Variants in LY75 observed in about 807,000 individuals in gnomAD.
LY75 encodes the protein C-type lectin domain family 13 member B.
LY75 carries 185 observed loss-of-function variants against 231.7 expected under a neutral mutation model. The observed-to-expected ratio is 0.80, with a 90% CI of 0.71 to 0.90. LY75 has a LOEUF of 0.90. Among genes scored for constraint, LY75 ranks in the 40% least tolerant of loss-of-function variants. LY75 has a pLI of 0.00. For synonymous variants in LY75, 668 were observed against 689.0 expected, an observed-to-expected ratio of 0.97 and a Z score of 0.48; for missense variants, 1,947 against 2,050.2, an observed-to-expected ratio of 0.95 and a Z score of 0.97.
In LY75 at chr2:159,805,221, G is replaced by A; in HGVS notation, c.4992C>T (p.Gly1664=). Residue 1664 remains glycine (G), a splice_region_variant and synonymous_variant, in exon 35 of 35, where the codon GGC becomes GGT. Coordinates refer to ENST00000263636, the MANE Select transcript of LY75 (RefSeq NM_002349.4). Reference sequence around the variant, plus strand: ...TGATAGCTATTGCTGTGTAATCAGGGCCTGGAACAGGAAAAGGTTTGATGT... The same window carrying A: ...TGATAGCTATTGCTGTGTAATCAGGACCTGGAACAGGAAAAGGTTTGATGT... The part of the protein sequence containing the change: ...FGRVVCKVPL[G]PDYTAIAIIV... The A allele has an allele frequency of 6.2e-7, 1 of 1,612,642 alleles. No individual in the cohort carries two copies. The highest frequency in any genetic ancestry group is 8.5e-7 in the Non-Finnish European group (1 of 1,179,024).
In LY75 at chr2:159,890,206, AAT is replaced by A. The variant is rs1381424629; in HGVS notation, c.802+5_802+6del. ...AATTTGCTCTATCACATGCAAATAA[AAT>A]CTACCTTTAAGGTAAGTTAATTCAG... On this transcript the variant is annotated splice_donor_5th_base_variant and intron_variant, in intron 4 of 34. Coordinates refer to ENST00000263636, the MANE Select transcript of LY75 (RefSeq NM_002349.4). 1 of 1,605,886 alleles carries A rather than the reference AAT, an allele frequency of 6.2e-7. No individual in the cohort carries two copies. Among genetic ancestry groups the A allele is most frequent in the African/African-American group, 1.3e-5 (1 of 74,548 alleles).
At chr2:159,833,743 G>A (rs1159154037) in intron 27 of LY75, among the ~76,000 whole-genome samples, 1 of 152,140 alleles carries the variant, frequency 6.6e-6, no homozygotes, top group Non-Finnish European at 1.5e-5. Flanking sequence ...ATCCCCACAT[G>A]TCATGGGAGG....
intron 31 of LY75, chr2:159,813,897 CAAT>C (rs1683039745): frequency 6.6e-6 from 1 of 152,152 alleles, no homozygotes; most frequent in African/African-American, 2.4e-5. Flanking sequence ...TCATGTATTC[CAAT>C]TGTTTTTCTA....
intron 14 of LY75, among the ~76,000 whole-genome samples, chr2:159,864,102 C>T (rs1408780527): frequency 6.6e-6 from 1 of 152,118 alleles, no homozygotes; most frequent in East Asian, 1.9e-4. Flanking sequence ...AAATGTATCC[C>T]ATTGTTAAGT....
At chr2:159,820,129 A>T (rs111911105) in intron 28 of LY75, among the ~76,000 whole-genome samples, 14 of 152,362 alleles carry the variant, frequency 9.2e-5, no homozygotes, top group African/African-American at 3.1e-4. Flanking sequence ...AACTATAAAT[A>T]TTGACCTATA....
chr2:159,818,184 C>A (rs916615826), intron 29 of LY75, among the ~76,000 whole-genome samples: 18 of 152,136 alleles, frequency 1.2e-4, no homozygotes, highest in African/African-American at 4.3e-4. Context: ...TAACTTTCTA[C>A]CCTATTAAGT....
intron 13 of LY75, among the ~76,000 whole-genome samples, chr2:159,870,954 T>C (rs2125866895): frequency 6.6e-6 from 1 of 152,246 alleles, no homozygotes; most frequent in African/African-American, 2.4e-5. Flanking sequence ...TTAATATATA[T>C]AAACATTTAC....
chr2:159,863,356 T>G (rs1362789142), intron 14 of LY75, among the ~76,000 whole-genome samples: 1 of 152,198 alleles, frequency 6.6e-6, no homozygotes, highest in Non-Finnish European at 1.5e-5. Context: ...GTTCTATTTT[T>G]AATTTTTTGA....
In LY75 at chr2:159,810,473, A is replaced by G. The variant is rs1682925568; in HGVS notation, c.4699+53T>C. 1.9e-6 allele frequency: 3 copies of G among 1,583,852 alleles called. No homozygotes were observed. In the Admixed American group the frequency reaches 5.7e-5, roughly 30 times the overall value. On this transcript the variant is annotated intron_variant, in intron 32 of 34. Coordinates refer to ENST00000263636, the MANE Select transcript of LY75 (RefSeq NM_002349.4). ...CATTGCTTCAAATTATATCCTTAAG[A>G]AACATTTCTAAAAATTATTGAGTCA...
chr2:159,825,400 T>A (rs922824104), intron 28 of LY75, among the ~76,000 whole-genome samples: 1 of 152,176 alleles, frequency 6.6e-6, no homozygotes, highest in African/African-American at 2.4e-5. Flanking sequence ...CTCCCAAGTC[T>A]AAACCAGGAA....
chr2:159,892,103 T>A (rs1685776898), intron 3 of LY75, among the ~76,000 whole-genome samples: 1 of 152,158 alleles, frequency 6.6e-6, no homozygotes, highest in Admixed American at 6.6e-5. Flanking sequence ...TTGCCAAATT[T>A]GGGGGGCCCA....
At chr2:159,881,955 C>T (rs1013025281) in intron 7 of LY75, among the ~76,000 whole-genome samples, 169 bp downstream of exon 7, 1 of 152,106 alleles carries the variant, frequency 6.6e-6, no homozygotes, top group South Asian at 2.1e-4. Context: ...TGCTAGTGAC[C>T]ACCATACTAG....
At chr2:159,813,397 A>G (rs1021970269) in intron 31 of LY75, among the ~76,000 whole-genome samples, 1 of 150,526 alleles carries the variant, frequency 6.6e-6, no homozygotes, top group Non-Finnish European at 1.5e-5. Flanking sequence ...TTGGGCTGCC[A>G]TAATAAATTC....
rs758701434 is a variant in LY75 at position 159,860,880 on chromosome 2, T to C, written c.2209A>G (p.Ile737Val). Residue 737 changes from isoleucine (I) to valine (V), a missense_variant, in exon 15 of 35, where the codon ATT becomes GTT. Physicochemically the swap from Ile to Val is conservative, Grantham distance 29 (BLOSUM62 3). Transcript: ENST00000263636. ...TGCTGAAACTCATTTGGCATGATAA[T>C]AGTAGACACCTGAAAAGACAAGAGA... is the stretch of plus-strand genomic sequence containing the variant. ...QWSDRTPVST[I>V]IMPNEFQQDY... The C allele has an allele frequency of 7.4e-6, 12 of 1,613,810 alleles. No homozygotes were observed. Among genetic ancestry groups the C allele is most frequent in the East Asian group, 2.2e-5 (1 of 44,854 alleles).
At chr2:159,889,842 G>A (rs1258060852) in intron 4 of LY75, among the ~76,000 whole-genome samples, 1 of 152,016 alleles carries the variant, frequency 6.6e-6, no homozygotes, top group Non-Finnish European at 1.5e-5. Flanking sequence ...GTTTACTGAG[G>A]CCATCTAGTG....
chr2:159,840,084 A>G (rs1433718185), intron 25 of LY75, among the ~76,000 whole-genome samples: 2 of 151,820 alleles, frequency 1.3e-5, no homozygotes, highest in Admixed American at 1.3e-4. Context: ...CTTCCACACA[A>G]CTGATTTTTA....
chr2:159,806,569 G>A lies in LY75; in HGVS notation c.4990+404C>T, dbSNP rs139625049. 6.6e-3 allele frequency among the ~76,000 whole-genome samples: 1,009 copies of A among 152,168 alleles called. 17 individuals carry two copies. Among genetic ancestry groups the A allele is most frequent in the African/African-American group, 0.023 (969 of 41,510 alleles). On this transcript the variant is annotated intron_variant, in intron 34 of 34. Coordinates refer to ENST00000263636, the MANE Select transcript of LY75 (RefSeq NM_002349.4). ...GTTTTCAATAACTAAATCCAGTTTT[G>A]CATTGTTTTAAAATTAACCATGAGT...
intron 2 of LY75, among the ~76,000 whole-genome samples, chr2:159,895,374 C>T (rs1351949757): frequency 6.6e-6 from 1 of 152,158 alleles, no homozygotes; most frequent in Admixed American, 6.5e-5. Flanking sequence ...AGTTTAACCG[C>T]ATCAAAACCC....
At chr2:159,884,483 G>A (rs1685528679) in intron 6 of LY75, among the ~76,000 whole-genome samples, 1 of 151,926 alleles carries the variant, frequency 6.6e-6, no homozygotes. Context: ...CAAACACCCT[G>A]GAAAAACCCC....
Sources: allele counts gnomAD v4.1 joint callset (sites outside exome capture counted in the v4.1 genomes callset), GRCh38; gene constraint gnomAD v4.1.1; transcripts MANE v1.5; gene names NCBI Gene and HGNC (gene_info 2026-07-23, HGNC 2026-07-21).